RGS21: variants seen among roughly 807,000 people sequenced by gnomAD.
The protein encoded by RGS21 is regulator of G protein signaling 21.
In RGS21, 19 loss-of-function variants were observed where a neutral mutation model predicts 18.7. That is an observed-to-expected ratio of 1.01 (90% CI 0.71 to 1.49). RGS21 has a LOEUF of 1.49. RGS21 is among the 40% of genes most tolerant of loss of function. RGS21 has a pLI of 0.00. For synonymous variants in RGS21, 56 were observed against 57.8 expected, an observed-to-expected ratio of 0.97 and a Z score of 0.14; for missense variants, 194 against 176.8, an observed-to-expected ratio of 1.10 and a Z score of -0.55.
rs572724020 is a variant in RGS21 at position 192,322,002 on chromosome 1, C to T, written c.-61+4897C>T. On this transcript the variant is annotated intron_variant, in intron 1 of 4. Coordinates refer to ENST00000417209, the MANE Select transcript of RGS21 (RefSeq NM_001039152.3). ...AAAAAGTAATTTGATGCAGATTTTT[C>T]TTATAATATCTTTTAAACACACAAT... is the stretch of plus-strand genomic sequence containing the variant. Among the ~76,000 whole-genome samples the T allele has an allele frequency of 1.7e-3, 253 of 152,190 alleles. 7 individuals are homozygous for T. The South Asian group carries it at 0.05, about 30-fold the overall frequency.
intron 4 of RGS21, 66 bp from the exon 5 acceptor site, chr1:192,365,855 T>G (rs745881831): frequency 4.7e-6 from 4 of 842,648 alleles, no homozygotes; most frequent in Non-Finnish European, 7.7e-6. Context: ...TTAAATAATA[T>G]ATATGTATAA....
At position 192,343,099 on chromosome 1, in the gene RGS21, A is replaced by G. The variant is rs147267808; in HGVS notation, c.11+52A>G. The G allele has an allele frequency of 7.1e-4, 1,081 of 1,525,134 alleles. 11 individuals are homozygous for G. The East Asian group carries it at 0.023, about 32-fold the overall frequency. The allele number at this position is 1,525,134 out of a possible 1,614,324, so 94.5% of individuals were successfully genotyped here. On this transcript the variant is annotated intron_variant, in intron 2 of 4. Coordinates refer to ENST00000417209, the MANE Select transcript of RGS21 (RefSeq NM_001039152.3). ...ATCTCAGAAGATGTACAAATGAAAC[A>G]CTTGAGTCTTCTTTTAGTCTCGATG...
chr1:192,362,687 T>G (rs1414628020), intron 4 of RGS21, among the ~76,000 whole-genome samples: 1 of 152,158 alleles, frequency 6.6e-6, no homozygotes, highest in African/African-American at 2.4e-5. Context: ...ATGCTGGCAG[T>G]TCCTTGGTAG....
chr1:192,322,945 T>A (rs1244132482), intron 1 of RGS21, among the ~76,000 whole-genome samples: 1 of 152,130 alleles, frequency 6.6e-6, no homozygotes, highest in Admixed American at 6.6e-5. Context: ...CTTCTGTTTT[T>A]AAAAACCTGT....
At chr1:192,344,170 C>T (rs183543287) in intron 2 of RGS21, among the ~76,000 whole-genome samples, 42 of 151,910 alleles carry the variant, frequency 2.8e-4, no homozygotes, top group African/African-American at 1.0e-3. Flanking sequence ...CCAGTTACCA[C>T]AATTTTAACT....
chr1:192,350,420 T>C (rs1000893565), intron 3 of RGS21, among the ~76,000 whole-genome samples: 2 of 152,184 alleles, frequency 1.3e-5, no homozygotes, highest in African/African-American at 4.8e-5. Flanking sequence ...ACTTTTCTCT[T>C]ATTGTTTTCT....
At chr1:192,360,605 T>C (rs999108851) in intron 4 of RGS21, among the ~76,000 whole-genome samples, 6 of 152,118 alleles carry the variant, frequency 3.9e-5, no homozygotes, top group Non-Finnish European at 8.8e-5. Context: ...AGCGATGCTT[T>C]TTCAAACATG....
rs373406529 is a variant in RGS21 at position 192,365,907 on chromosome 1, C to G, written c.256-14C>G. The G allele has an allele frequency of 1.3e-6, 2 of 1,483,822 alleles. No homozygotes were observed. Among genetic ancestry groups the G allele is most frequent in the East Asian group, 2.3e-5 (1 of 44,110 alleles). 91.9% of individuals were successfully genotyped at this position (1,483,822 alleles called of 1,614,324 possible). A position where few individuals can be genotyped will look rare whatever the true frequency, so the allele number is the denominator to read the frequency against. On this transcript the variant is annotated splice_polypyrimidine_tract_variant and intron_variant, in intron 4 of 4. Transcript: ENST00000417209. The stretch of plus-strand genomic sequence containing the variant: ...TTAAACTAATTCAATGATATGCAAC[C>G]TTATTTTCCACAGATTAACATTGAC...
At chr1:192,336,764 A>G (rs1658773265) in intron 1 of RGS21, among the ~76,000 whole-genome samples, 1 of 152,094 alleles carries the variant, frequency 6.6e-6, no homozygotes, top group Non-Finnish European at 1.5e-5. Flanking sequence ...AATGAAGTTT[A>G]CAAGTTAAGG....
chr1:192,348,151 G>A (rs189638274), intron 3 of RGS21, among the ~76,000 whole-genome samples: 42 of 151,392 alleles, frequency 2.8e-4, no homozygotes, highest in African/African-American at 9.7e-4. Context: ...TCAGCCTCCC[G>A]AGGAGCTGGG....
At chr1:192,346,175 A>C (rs1026851319) in intron 2 of RGS21, among the ~76,000 whole-genome samples, 1 of 152,068 alleles carries the variant, frequency 6.6e-6, no homozygotes, top group Non-Finnish European at 1.5e-5. Flanking sequence ...TGTCCTCTCT[A>C]TGTGTCCTTA....
chr1:192,362,326 C>T (rs936114383), intron 4 of RGS21, among the ~76,000 whole-genome samples: 1 of 151,928 alleles, frequency 6.6e-6, no homozygotes, highest in African/African-American at 2.4e-5. Flanking sequence ...ATGACAAATT[C>T]CATAACTTAG....
chr1:192,343,167 T>G, intron 2 of RGS21, 120 bp downstream of exon 2: 1 of 995,220 alleles, frequency 1.0e-6, no homozygotes, highest in Non-Finnish European at 1.6e-6. Flanking sequence ...ATTGTTGTCT[T>G]CCTGATTTTT....
intron 3 of RGS21, among the ~76,000 whole-genome samples, chr1:192,348,023 T>TATATATGTA (rs1491172539): frequency 5.7e-5 from 8 of 139,236 alleles, no homozygotes; most frequent in African/African-American, 1.9e-4. Context: ...TATATATGTA[T>TATATATGTA]TTTTTTTTTT....
intron 4 of RGS21, among the ~76,000 whole-genome samples, chr1:192,354,183 T>C (rs1659081635): frequency 6.6e-6 from 1 of 151,660 alleles, no homozygotes; most frequent in African/African-American, 2.4e-5. Flanking sequence ...GTTCCCACAG[T>C]GAAATTACCG....
chr1:192,325,849 T>A (rs1201645090), intron 1 of RGS21, among the ~76,000 whole-genome samples: 1 of 152,112 alleles, frequency 6.6e-6, no homozygotes, highest in African/African-American at 2.4e-5. Flanking sequence ...GCATTAGACC[T>A]TTGTCAGATG....
intron 2 of RGS21, among the ~76,000 whole-genome samples, chr1:192,343,431 C>T (rs1277264410): frequency 3.9e-5 from 6 of 152,072 alleles, no homozygotes; most frequent in African/African-American, 7.2e-5. Flanking sequence ...GCTGTCACTT[C>T]CTGGAGCACA....
intron 3 of RGS21, among the ~76,000 whole-genome samples, chr1:192,351,179 A>C (rs562002299): frequency 6.6e-6 from 1 of 152,270 alleles, no homozygotes; most frequent in East Asian, 1.9e-4. Flanking sequence ...AATGGGAAGC[A>C]TCAATGTTTT....
At position 192,352,207 on chromosome 1, in the gene RGS21, T is replaced by C. The variant is rs781254995; in HGVS notation, c.249T>C (p.Pro83=). 1 of 1,602,388 alleles carries C rather than the reference T, an allele frequency of 6.2e-7. No homozygotes were observed. The highest frequency in any genetic ancestry group is 2.2e-5 in the East Asian group (1 of 44,448). ...CTGAATTCATTGAAGCTGATGCACCTAAAGAGGTGAGTGAACTACTTCAGA... is the reference window on the plus strand; with the variant it reads ...CTGAATTCATTGAAGCTGATGCACCCAAAGAGGTGAGTGAACTACTTCAGA... ...IYSEFIEADA[P]KEINIDFGTR... Residue 83 remains proline, a synonymous_variant, in exon 4 of 5, where the codon CCT becomes CCC. Coordinates refer to ENST00000417209, the MANE Select transcript of RGS21 (RefSeq NM_001039152.3).
Sources: gnomAD v4.1 joint callset for allele counts (sites outside exome capture counted in the v4.1 genomes callset) on GRCh38, gnomAD v4.1.1 for gene constraint, MANE v1.5 for transcripts, NCBI Gene and HGNC (gene_info 2026-07-23, HGNC 2026-07-21) for gene names.